Variants in INPP4B observed in about 807,000 individuals in gnomAD.
INPP4B encodes inositol polyphosphate-4-phosphatase type II B.
Under a neutral mutation model 122.5 loss-of-function variants are expected in INPP4B, and 55 were observed. The observed-to-expected ratio is 0.45, with a 90% CI of 0.36 to 0.56. INPP4B has a LOEUF of 0.56. Among genes scored for constraint, INPP4B ranks in the 20% least tolerant of loss-of-function variants. The pLI, the probability that INPP4B is intolerant of heterozygous loss-of-function variation, is 0.00. For missense variants in INPP4B, 1,000 were observed against 1,097.7 expected (o/e 0.91, Z 1.26); for synonymous variants, 403 against 388.7 (o/e 1.04, Z -0.43).
chr4:142,053,225 A>AG (rs1755621200), intron 25 of INPP4B, among the ~76,000 whole-genome samples: 1 of 152,012 alleles, frequency 6.6e-6, no homozygotes, highest in Admixed American at 6.6e-5. Context: ...GAGAAGGGAA[A>AG]GGAGAGGGAG....
At chr4:142,551,853 G>T (rs1423503674) in intron 2 of INPP4B, among the ~76,000 whole-genome samples, 1 of 152,178 alleles carries the variant, frequency 6.6e-6, no homozygotes, top group African/African-American at 2.4e-5. Flanking sequence ...AGTAATTTGA[G>T]CCAATTCTAT....
chr4:142,098,362 C>A (rs114281453), intron 23 of INPP4B, among the ~76,000 whole-genome samples: 2,095 of 150,960 alleles, frequency 0.014, 41 homozygotes, highest in African/African-American at 0.045. Context: ...ACAACAACAA[C>A]AAAAAAAAAA....
chr4:142,407,022 C>T (rs1264434389), intron 5 of INPP4B, among the ~76,000 whole-genome samples: 4 of 152,116 alleles, frequency 2.6e-5, no homozygotes, highest in Non-Finnish European at 4.4e-5. Flanking sequence ...TATTACTCAA[C>T]CCAAGAGACT....
At chr4:142,211,662 C>T (rs1001893950) in intron 12 of INPP4B, among the ~76,000 whole-genome samples, 9 of 152,160 alleles carry the variant, frequency 5.9e-5, no homozygotes, top group African/African-American at 1.9e-4. Context: ...AAACTTTGTA[C>T]CTTGGAATAG....
chr4:142,359,986 G>T (rs1784874259), intron 7 of INPP4B, among the ~76,000 whole-genome samples: 1 of 151,922 alleles, frequency 6.6e-6, no homozygotes, highest in Non-Finnish European at 1.5e-5. Flanking sequence ...ATTGTAGAAA[G>T]AACTTCAAAG....
At chr4:142,638,927 T>G (rs998482339) in intron 2 of INPP4B, among the ~76,000 whole-genome samples, 2 of 152,184 alleles carry the variant, frequency 1.3e-5, no homozygotes, top group African/African-American at 2.4e-5. Flanking sequence ...GTGGATAGTC[T>G]TAATCAAGTG....
intron 7 of INPP4B, among the ~76,000 whole-genome samples, chr4:142,348,237 G>A (rs1402650804): frequency 2.0e-5 from 3 of 152,040 alleles, no homozygotes; most frequent in Admixed American, 1.3e-4. Context: ...GGTCATTGAA[G>A]AGCCTGTCTC....
chr4:142,527,097 C>T (rs760137261), intron 2 of INPP4B, among the ~76,000 whole-genome samples: 1 of 151,584 alleles, frequency 6.6e-6, no homozygotes, highest in African/African-American at 2.4e-5. Flanking sequence ...AAAATATGCC[C>T]AATATGAAAT....
At chr4:142,431,597 G>T (rs1219262440) in intron 3 of INPP4B, among the ~76,000 whole-genome samples, 4 of 152,078 alleles carry the variant, frequency 2.6e-5, no homozygotes, top group African/African-American at 9.7e-5. Flanking sequence ...TCATATGAAA[G>T]ATTTCTAAAA....
At chr4:142,105,588 C>A (rs1461751493) in intron 23 of INPP4B, among the ~76,000 whole-genome samples, 3 of 152,064 alleles carry the variant, frequency 2.0e-5, no homozygotes, top group Admixed American at 6.6e-5. Context: ...ATCATTAAGT[C>A]CTGATATCAC....
intron 1 of INPP4B, among the ~76,000 whole-genome samples, chr4:142,732,619 C>T (rs1037595091): frequency 6.7e-6 from 1 of 150,324 alleles, no homozygotes; most frequent in Admixed American, 6.6e-5. Context: ...AGAATAAAAT[C>T]TAACAAAAGA....
intron 1 of INPP4B, among the ~76,000 whole-genome samples, chr4:142,810,895 T>C (rs1384591519): frequency 6.6e-6 from 1 of 152,224 alleles, no homozygotes; most frequent in African/African-American, 2.4e-5. Context: ...CAAATTGTCA[T>C]TCAAAAAATA....
intron 7 of INPP4B, among the ~76,000 whole-genome samples, chr4:142,355,221 AGGAC>A (rs1783187728): frequency 6.6e-6 from 1 of 152,060 alleles, no homozygotes; most frequent in Non-Finnish European, 1.5e-5. Context: ...GCAAGTCACA[AGGAC>A]AGATCAGTTT....
At chr4:142,826,780 C>G (rs1781515625) in intron 1 of INPP4B, among the ~76,000 whole-genome samples, 1 of 152,118 alleles carries the variant, frequency 6.6e-6, no homozygotes, top group African/African-American at 2.4e-5. Context: ...TCTTCAGCTT[C>G]TAACATACAG....
intron 7 of INPP4B, among the ~76,000 whole-genome samples, chr4:142,319,564 G>C (rs1162132975): frequency 6.6e-6 from 1 of 152,140 alleles, no homozygotes; most frequent in Non-Finnish European, 1.5e-5. Context: ...CATATCCTAG[G>C]AACCCTTGAT....
chr4:142,058,601 A>T lies in INPP4B; in HGVS notation c.2642+23430T>A, dbSNP rs562815358. Among the ~76,000 whole-genome samples, 81 of 152,222 alleles carry T rather than the reference A, an allele frequency of 5.3e-4. 1 individual carries two copies. The highest frequency in any genetic ancestry group is 1.9e-3 in the African/African-American group (78 of 41,542). ...ATATACCACTCTCATATACCATTTA[A>T]CACTTATGAAATACTCAGAAATGGG... On this transcript the variant is annotated intron_variant, in intron 25 of 25. Transcript: ENST00000262992.
chr4:142,656,070 C>A (rs997201376), intron 2 of INPP4B, among the ~76,000 whole-genome samples: 3 of 152,150 alleles, frequency 2.0e-5, no homozygotes, highest in Non-Finnish European at 2.9e-5. Flanking sequence ...CACCAACCAG[C>A]CTGCACACTG....
At chr4:142,558,633 C>T (rs1012285321) in intron 2 of INPP4B, among the ~76,000 whole-genome samples, 26 of 144,268 alleles carry the variant, frequency 1.8e-4, no homozygotes, top group African/African-American at 6.7e-4. Context: ...ATTTCTCCTT[C>T]TTGGTATAAT....
At chr4:142,359,484 C>T (rs563930801) in intron 7 of INPP4B, among the ~76,000 whole-genome samples, 14 of 152,046 alleles carry the variant, frequency 9.2e-5, no homozygotes, top group South Asian at 4.1e-4. Flanking sequence ...GTTCTTCCCT[C>T]GTTCAAGTAT....
Sources: gnomAD v4.1 joint callset for allele counts (sites outside exome capture counted in the v4.1 genomes callset) on GRCh38, gnomAD v4.1.1 for gene constraint, MANE v1.5 for transcripts, NCBI Gene and HGNC (gene_info 2026-07-23, HGNC 2026-07-21) for gene names.